The following GPR180 variants were observed in gnomAD, a reference collection of about 807,000 sequenced individuals.
The protein encoded by GPR180 is G protein-coupled receptor 180.
In GPR180, 53 loss-of-function variants were observed where a neutral mutation model predicts 52.6. The ratio of observed to expected loss-of-function variants is 1.01; its 90% CI spans 0.81 to 1.27. GPR180 has a LOEUF of 1.27. GPR180 is among the 50% of genes most tolerant of loss of function. The pLI is 0.00. For missense variants in GPR180, 533 were observed against 527.0 expected (o/e 1.01, Z -0.11); for synonymous variants, 200 against 193.1 (o/e 1.04, Z -0.30).
intron 7 of GPR180, among the ~76,000 whole-genome samples, chr13:94,625,670 C>T (rs1199534157): frequency 6.6e-6 from 1 of 151,870 alleles, no homozygotes; most frequent in Non-Finnish European, 1.5e-5. Flanking sequence ...TTGTGCCTTG[C>T]TTTTGTCACT....
Position 94,634,430 on chromosome 13 carries a change from C to T in GPR180, c.*7259C>T, listed in dbSNP as rs1442878579. ...TATATATACTTATATATTAAGTAAT[C>T]AGAAGTATGTGTTTCTCAATCACCT... On this transcript the variant is annotated 3_prime_UTR_variant, in exon 9 of 9. Transcript: ENST00000376958. 31 of 151,940 alleles carry T rather than the reference C, an allele frequency of 2.0e-4. 1 individual carries two copies. The highest frequency in any genetic ancestry group is 2.0e-3 in the Admixed American group (31 of 15,236). The allele number at this position is 151,940 out of a possible 1,614,324, so 9.4% of individuals were successfully genotyped here.
intron 3 of GPR180, among the ~76,000 whole-genome samples, chr13:94,617,739 G>C (rs1889796728): frequency 6.6e-6 from 1 of 152,106 alleles, no homozygotes; most frequent in African/African-American, 2.4e-5. Flanking sequence ...GTTAATTGGA[G>C]TTTACCCGAA....
chr13:94,607,955 T>A lies in GPR180; in HGVS notation c.304+2406T>A, dbSNP rs561483167. Among the ~76,000 whole-genome samples, 50 of 152,332 alleles carry A rather than the reference T, an allele frequency of 3.3e-4. 1 individual carries two copies. In the South Asian group the frequency reaches 0.01, roughly 32 times the overall value. ...TTGGCTGGTTGTTAGCTTTTTGTGT[T>A]TGGCATCTCAAAGACTTTTTCTATC... On this transcript the variant is annotated intron_variant, in intron 2 of 8. Transcript: ENST00000376958.
chr13:94,623,069 A>G (rs751336910), intron 6 of GPR180, 40 bp from the exon 7 acceptor site: 7 of 1,432,490 alleles, frequency 4.9e-6, no homozygotes, highest in Non-Finnish European at 5.8e-6. Flanking sequence ...AATGAGGTAT[A>G]TTTTTTTTTC....
At chr13:94,616,513 C>G (rs762755756) in intron 3 of GPR180, among the ~76,000 whole-genome samples, 4 of 152,138 alleles carry the variant, frequency 2.6e-5, no homozygotes, top group Non-Finnish European at 4.4e-5. Flanking sequence ...TTGAAGCTGG[C>G]CTCTAAGTTT....
At chr13:94,611,760 A>T (rs755808720) in intron 2 of GPR180, among the ~76,000 whole-genome samples, 7 of 152,038 alleles carry the variant, frequency 4.6e-5, no homozygotes, top group Non-Finnish European at 7.4e-5. Flanking sequence ...TGATGGGAAC[A>T]TGACCAATGT....
intron 3 of GPR180, among the ~76,000 whole-genome samples, chr13:94,617,987 G>GATTGCACA (rs1889799162): frequency 6.6e-6 from 1 of 150,416 alleles, no homozygotes; most frequent in African/African-American, 2.5e-5. Context: ...TGGAGACTCA[G>GATTGCACA]TCAAAAGATT....
At chr13:94,611,276 C>G (rs1889700624) in intron 2 of GPR180, among the ~76,000 whole-genome samples, 1 of 152,064 alleles carries the variant, frequency 6.6e-6, no homozygotes, top group Non-Finnish European at 1.5e-5. Flanking sequence ...AACAACCAAT[C>G]AGAAAAAGAT....
Position 94,627,044 on chromosome 13 carries a change from C to A in GPR180, c.1196C>A (p.Ser399Tyr), listed in dbSNP as rs778947395. The A allele has an allele frequency of 1.2e-6, 2 of 1,610,374 alleles. No homozygotes were observed. Among genetic ancestry groups the A allele is most frequent in the South Asian group, 2.2e-5 (2 of 90,416 alleles). ...VITIGVILCQ[S>Y]VSMVILYRLF... ...ACAATAGGTGTTATCCTTTGCCAGTCTGTTTCCATGGTTATTCTCTACAGA... is the reference window on the plus strand; with the variant it reads ...ACAATAGGTGTTATCCTTTGCCAGTATGTTTCCATGGTTATTCTCTACAGA... Residue 399 changes from serine to tyrosine, a missense_variant, in exon 9 of 9, where the codon TCT becomes TAT. Physicochemically the swap from Ser to Tyr is moderately radical, Grantham distance 144 (BLOSUM62 -2). Coordinates refer to ENST00000376958, the MANE Select transcript of GPR180 (RefSeq NM_180989.6).
rs1890011936 is a variant in GPR180, at chr13:94,632,532, A to T, written c.*5361A>T. The T allele has an allele frequency of 6.6e-6, 1 of 152,184 alleles. No homozygotes were observed. Among genetic ancestry groups the T allele is most frequent in the African/African-American group, 2.4e-5 (1 of 41,438 alleles). The allele number at this position is 152,184 out of a possible 1,614,324, so 9.4% of individuals were successfully genotyped here. A position where few individuals can be genotyped will look rare whatever the true frequency, so the allele number is the denominator to read the frequency against. The stretch of plus-strand genomic sequence containing the variant: ...ATTTTTTCAAAGAATCAGTTCTGTT[A>T]CTGCACGTTGTTGGTTTTCAGTCTT... On this transcript the variant is annotated 3_prime_UTR_variant, in exon 9 of 9. Coordinates refer to ENST00000376958, the MANE Select transcript of GPR180 (RefSeq NM_180989.6).
chr13:94,603,171 G>A (rs1441458707), intron 1 of GPR180, among the ~76,000 whole-genome samples: 3 of 151,384 alleles, frequency 2.0e-5, no homozygotes, highest in Admixed American at 2.0e-4. Context: ...ATATATTTTG[G>A]GTGAATGAAG....
In GPR180 at chr13:94,628,843, T is replaced by A. The variant is rs990479921; in HGVS notation, c.*1672T>A. 2 of 152,018 alleles carry A rather than the reference T, an allele frequency of 1.3e-5. No individual in the cohort carries two copies. Among genetic ancestry groups the A allele is most frequent in the Non-Finnish European group, 2.9e-5 (2 of 67,932 alleles). 9.4% of individuals were successfully genotyped at this position (152,018 alleles called of 1,614,324 possible). A position where few individuals can be genotyped will look rare whatever the true frequency, so the allele number is the denominator to read the frequency against. ...TATTGTCTGTTGTGTTCAGCTGAGA[T>A]GCAAAAAAGAAATTAAGCAAAAAAG... is the stretch of plus-strand genomic sequence containing the variant. On this transcript the variant is annotated 3_prime_UTR_variant, in exon 9 of 9. Transcript: ENST00000376958.
chr13:94,615,275 G>A (rs1889762780), intron 3 of GPR180, among the ~76,000 whole-genome samples: 1 of 152,190 alleles, frequency 6.6e-6, no homozygotes, highest in African/African-American at 2.4e-5. Context: ...CAGGGAAAAT[G>A]TTCAATTCAT....
At chr13:94,608,205 C>T (rs1002386204) in intron 2 of GPR180, among the ~76,000 whole-genome samples, 1 of 152,164 alleles carries the variant, frequency 6.6e-6, no homozygotes, top group Non-Finnish European at 1.5e-5. Flanking sequence ...ATAACAAGAA[C>T]TCGTTATCTT....
rs1332638029 is a variant in GPR180 at position 94,632,304 on chromosome 13, T to A, written c.*5133T>A. On this transcript the variant is annotated 3_prime_UTR_variant, in exon 9 of 9. Coordinates refer to ENST00000376958, the MANE Select transcript of GPR180 (RefSeq NM_180989.6). ...TGGGGAAAAGAAGTCCTTCTCTCACTCATTTCCCTTCCCTGAATCCAAACT... is the reference window on the plus strand; with the variant it reads ...TGGGGAAAAGAAGTCCTTCTCTCACACATTTCCCTTCCCTGAATCCAAACT... 1 of 152,218 alleles carries A rather than the reference T, an allele frequency of 6.6e-6. No homozygotes were observed. Among genetic ancestry groups the A allele is most frequent in the Non-Finnish European group, 1.5e-5 (1 of 68,046 alleles). 9.4% of individuals were successfully genotyped at this position (152,218 alleles called of 1,614,324 possible).
chr13:94,620,987 T>TA (rs543670651), intron 5 of GPR180, 91 bp from the exon 6 acceptor site: 100,068 of 974,454 alleles, frequency 0.1, 257 homozygotes, highest in Middle Eastern at 0.12. Context: ...TGGTTTTTCT[T>TA]AAAAAAAAAA....
chr13:94,624,805 G>T (rs954968270), intron 7 of GPR180, among the ~76,000 whole-genome samples: 2 of 151,132 alleles, frequency 1.3e-5, no homozygotes, highest in East Asian at 3.9e-4. Flanking sequence ...GCCTCCCAAA[G>T]TGCTGGGATT....
At chr13:94,624,678 C>G (rs891368052) in intron 7 of GPR180, among the ~76,000 whole-genome samples, 2 of 152,160 alleles carry the variant, frequency 1.3e-5, no homozygotes, top group African/African-American at 4.8e-5. Context: ...CTGCCTCAGC[C>G]TCCCGAGTAA....
rs1443890605 is a variant in GPR180, at chr13:94,619,300, C to G, written c.656C>G (p.Ser219Ter). 6.2e-6 allele frequency: 10 copies of G among 1,613,934 alleles called. No individual in the cohort carries two copies. The highest frequency in any genetic ancestry group is 1.3e-5 in the African/African-American group (1 of 74,918). ...ACTGCATTGCTGTTACAAGCTGGTT[C>G]AGCTTTAGCTAATTACATTCATTTC... The part of the protein sequence containing the change: ...LTTALLLQAG[S>*]ALANYIHFSS... Residue 219 changes from serine (S) to a stop codon, truncating the protein, a stop_gained, in exon 4 of 9, where the codon TCA (serine) becomes TGA (stop). Transcript: ENST00000376958. LOFTEE classifies it high-confidence loss of function.
Sources: allele counts gnomAD v4.1 joint callset (sites outside exome capture counted in the v4.1 genomes callset), GRCh38; gene constraint gnomAD v4.1.1; transcripts MANE v1.5; gene names NCBI Gene and HGNC (gene_info 2026-07-23, HGNC 2026-07-21).